KIAA0319L: variants seen among roughly 807,000 people sequenced by gnomAD.
The protein encoded by KIAA0319L is dyslexia-associated protein KIAA0319-like protein.
Under a neutral mutation model 120.1 loss-of-function variants are expected in KIAA0319L, and 55 were observed. The observed-to-expected ratio is 0.46, with a 90% CI of 0.37 to 0.57. The LOEUF is 0.57. Ranked by LOEUF, KIAA0319L falls within the 20% of genes least tolerant of loss-of-function variation. KIAA0319L has a pLI of 0.00. For synonymous variants in KIAA0319L, 398 were observed against 471.9 expected (o/e 0.84, Z 2.03); for missense variants, 1,049 against 1,255.3 (o/e 0.84, Z 2.48).
intron 3 of KIAA0319L, among the ~76,000 whole-genome samples, chr1:35,489,350 T>A (rs1293207544): frequency 6.6e-6 from 1 of 152,066 alleles, no homozygotes; most frequent in African/African-American, 2.4e-5. Flanking sequence ...ACACCAGACA[T>A]CAGGTGATAA....
chr1:35,492,675 C>G (rs1644642520), intron 3 of KIAA0319L, among the ~76,000 whole-genome samples: 1 of 152,012 alleles, frequency 6.6e-6, no homozygotes, highest in African/African-American at 2.4e-5. Flanking sequence ...GCAGAAAAAG[C>G]ATTTGACAAA....
At chr1:35,440,420 A>C (rs1304310420) in intron 20 of KIAA0319L, 1 of 152,884 alleles carries the variant, frequency 6.5e-6, no homozygotes, top group Non-Finnish European at 1.5e-5. Flanking sequence ...TAAACCAATG[A>C]TACCTGTCCC....
intron 9 of KIAA0319L, 39 bp downstream of exon 9, chr1:35,460,266 A>C: frequency 6.3e-7 from 1 of 1,574,950 alleles, no homozygotes; most frequent in East Asian, 2.2e-5. Flanking sequence ...GAGGCAAAAA[A>C]ATGGCCTATG....
At chr1:35,510,935 G>C (rs1317913739) in intron 2 of KIAA0319L, 1 of 152,202 alleles carries the variant, frequency 6.6e-6, no homozygotes, top group African/African-American at 2.4e-5. Flanking sequence ...TAAATGTAAG[G>C]AATGTGGGAA....
At chr1:35,519,188 G>T (rs1374490064) in intron 2 of KIAA0319L, among the ~76,000 whole-genome samples, 1 of 152,094 alleles carries the variant, frequency 6.6e-6, no homozygotes, top group Admixed American at 6.6e-5. Flanking sequence ...CTGGGAACGT[G>T]AAATTTTGAG....
chr1:35,555,728 G>A (rs1404076003), intron 1 of KIAA0319L, among the ~76,000 whole-genome samples: 1 of 152,222 alleles, frequency 6.6e-6, no homozygotes, highest in African/African-American at 2.4e-5. Flanking sequence ...ATGTATGGGT[G>A]TGTATGAATC....
At chr1:35,500,173 G>C (rs1200559008) in intron 3 of KIAA0319L, among the ~76,000 whole-genome samples, 1 of 152,240 alleles carries the variant, frequency 6.6e-6, no homozygotes, top group Non-Finnish European at 1.5e-5. Flanking sequence ...GGATACCTAA[G>C]TGGACTTTCA....
rs768461501 is a variant in KIAA0319L, at chr1:35,477,492, C to T, written c.913+1474G>A. ...ACCATCCTGGCTAACACGGTGAAAC[C>T]GCATCTCTACTAAAAATACAAAAAA... On this transcript the variant is annotated intron_variant, in intron 4 of 20. Coordinates refer to ENST00000325722, the MANE Select transcript of KIAA0319L (RefSeq NM_024874.5). Among the ~76,000 whole-genome samples the T allele has an allele frequency of 4.9e-4, 75 of 152,044 alleles. No individual in the cohort carries two copies. The Middle Eastern group carries it at 0.01, about 21-fold the overall frequency.
intron 8 of KIAA0319L, among the ~76,000 whole-genome samples, chr1:35,462,095 T>C (rs960016855): frequency 6.6e-6 from 1 of 152,210 alleles, no homozygotes; most frequent in African/African-American, 2.4e-5. Context: ...AATCCTCTCA[T>C]GTCACTCACT....
intron 7 of KIAA0319L, among the ~76,000 whole-genome samples, chr1:35,465,223 G>A (rs544141231): frequency 6.6e-6 from 1 of 152,296 alleles, no homozygotes; most frequent in South Asian, 2.1e-4. Flanking sequence ...GACACTCAAC[G>A]CCAGGCTGTG....
intron 2 of KIAA0319L, among the ~76,000 whole-genome samples, chr1:35,508,106 A>T (rs952062184): frequency 6.6e-6 from 1 of 152,212 alleles, no homozygotes; most frequent in Non-Finnish European, 1.5e-5. Flanking sequence ...TAGAAACAGA[A>T]CTAGGGTGAG....
chr1:35,456,878 AGGAG>A lies in KIAA0319L; in HGVS notation c.1428-641_1428-638del, dbSNP rs571352266. 2.4e-3 allele frequency among the ~76,000 whole-genome samples: 271 copies of A among 115,014 alleles called. 1 individual carries two copies. Among genetic ancestry groups the A allele is most frequent in the African/African-American group, 6.5e-3 (193 of 29,724 alleles). The allele number at this position is 115,014 out of a possible 152,430, so 75.5% of individuals were successfully genotyped here. On this transcript the variant is annotated intron_variant, in intron 9 of 20. Coordinates refer to ENST00000325722, the MANE Select transcript of KIAA0319L (RefSeq NM_024874.5). ...AGGGAAGGAGGAAGGGAGGGAAGGA[AGGAG>A]GGAGGGAGGGAGGGAGGGAAAGAAG...
In KIAA0319L at chr1:35,479,120, T is replaced by A. The variant is rs771460145; in HGVS notation, c.759A>T (p.Glu253Asp). 1.1e-5 allele frequency: 17 copies of A among 1,614,030 alleles called. No homozygotes were observed. The highest frequency in any genetic ancestry group is 3.3e-4 in the Middle Eastern group (2 of 6,084). ...GGPKNVSVQPEISEGLATTPS... is the reference protein window; with the variant it reads ...GGPKNVSVQPDISEGLATTPS... The stretch of plus-strand genomic sequence containing the variant: ...GCGTAGTAGCAAGACCCTCTGATAT[T>A]TCAGGTTGCACTGATACATTCTTTG... Residue 253 changes from glutamate to aspartate, a missense_variant, in exon 4 of 21, where the codon GAA becomes GAT. Transcript: ENST00000325722.
At chr1:35,520,594 TCTCA>T (rs879891353) in intron 2 of KIAA0319L, among the ~76,000 whole-genome samples, 4 of 152,010 alleles carry the variant, frequency 2.6e-5, no homozygotes, top group Non-Finnish European at 5.9e-5. Flanking sequence ...AGAGATGAGG[TCTCA>T]CTATTTTGCC....
intron 2 of KIAA0319L, among the ~76,000 whole-genome samples, chr1:35,511,972 G>C (rs1570899772): frequency 6.6e-6 from 1 of 151,690 alleles, no homozygotes; most frequent in African/African-American, 2.4e-5. Context: ...ATATTACCTG[G>C]ATTCAAAAAG....
At chr1:35,479,748 T>TA (rs1256969490) in intron 3 of KIAA0319L, among the ~76,000 whole-genome samples, 1 of 151,388 alleles carries the variant, frequency 6.6e-6, no homozygotes, top group Admixed American at 6.6e-5. Flanking sequence ...CTACAAAACA[T>TA]AAAAAATTAG....
chr1:35,483,538 G>A (rs1445646068), intron 3 of KIAA0319L, among the ~76,000 whole-genome samples: 1 of 152,136 alleles, frequency 6.6e-6, no homozygotes, highest in Non-Finnish European at 1.5e-5. Context: ...GGACCATATA[G>A]GTGTGGGTCT....
At chr1:35,550,603 G>T (rs1647164570) in intron 2 of KIAA0319L, among the ~76,000 whole-genome samples, 1 of 152,248 alleles carries the variant, frequency 6.6e-6, no homozygotes, top group South Asian at 2.1e-4. Flanking sequence ...TCTTGTTTCA[G>T]ACTGTTTTCT....
Position 35,470,914 on chromosome 1 carries a change from G to A in KIAA0319L, c.1062C>T (p.Asp354=), listed in dbSNP as rs1337311888. The A allele has an allele frequency of 6.2e-7, 1 of 1,613,550 alleles. No individual in the cohort carries two copies. The highest frequency in any genetic ancestry group is 1.1e-5 in the South Asian group (1 of 91,070). The change falls in exon 6 of 21, where the codon GAC becomes GAT. Residue 354 remains aspartate, a synonymous_variant. Transcript: ENST00000325722. Reference sequence around the variant, plus strand: ...GTTTCCCTTCCATTTCTCCACTGTAGTCTCTAGGATGAGTAATCAGCTGCC... The same window carrying A: ...GTTTCCCTTCCATTTCTCCACTGTAATCTCTAGGATGAGTAATCAGCTGCC... ...YDWQLITHPR[D]YSGEMEGKHS...
Sources: gnomAD v4.1 joint callset for allele counts (sites outside exome capture counted in the v4.1 genomes callset) on GRCh38, gnomAD v4.1.1 for gene constraint, MANE v1.5 for transcripts, NCBI Gene and HGNC (gene_info 2026-07-23, HGNC 2026-07-21) for gene names.